Variants in DLG2 observed in about 807,000 individuals in gnomAD.
DLG2 encodes the protein disks large homolog 2.
In DLG2, 45 loss-of-function variants were observed where a neutral mutation model predicts 132.5. The observed-to-expected ratio is 0.34, with a 90% CI of 0.27 to 0.44. The LOEUF is 0.44. Ranked by LOEUF, DLG2 falls within the 20% of genes least tolerant of loss-of-function variation. The pLI, the probability that DLG2 is intolerant of heterozygous loss-of-function variation, is 1.00. For missense variants in DLG2, 1,045 were observed against 1,196.9 expected, an observed-to-expected ratio of 0.87 and a Z score of 1.87; for synonymous variants, 424 against 419.6, an observed-to-expected ratio of 1.01 and a Z score of -0.13.
chr11:84,767,753 G>C (rs1337630403), intron 6 of DLG2, among the ~76,000 whole-genome samples: 1 of 151,960 alleles, frequency 6.6e-6, no homozygotes, highest in Non-Finnish European at 1.5e-5. Context: ...GAGAAGCAGA[G>C]TATTATCTGC....
rs566563494 is a variant in DLG2 at position 85,304,571 on chromosome 11, T to A, written c.41-19206A>T. On this transcript the variant is annotated intron_variant, in intron 3 of 27. Coordinates refer to ENST00000376104, the MANE Select transcript of DLG2 (RefSeq NM_001142699.3). ...TGAAACTTTTTGAGTGCCAATATGA[T>A]GCTCAAACTAAGTACTCATTAGAGC... Among the ~76,000 whole-genome samples, 8 of 152,300 alleles carry A rather than the reference T, an allele frequency of 5.3e-5. No homozygotes were observed. The East Asian group carries it at 7.7e-4, about 15-fold the overall frequency.
chr11:84,407,755 A>C (rs2098864045), intron 7 of DLG2, among the ~76,000 whole-genome samples: 1 of 152,228 alleles, frequency 6.6e-6, no homozygotes, highest in Non-Finnish European at 1.5e-5. Context: ...GAAACTCAAA[A>C]GGTAAAGTGA....
At chr11:83,859,147 T>C (rs1391789943) in intron 16 of DLG2, among the ~76,000 whole-genome samples, 2 of 152,196 alleles carry the variant, frequency 1.3e-5, no homozygotes, top group South Asian at 2.1e-4. Context: ...ATAAGCTGCA[T>C]GAAAATGAAC....
At chr11:85,343,390 C>G (rs1421581744) in intron 3 of DLG2, among the ~76,000 whole-genome samples, 1 of 152,174 alleles carries the variant, frequency 6.6e-6, no homozygotes, top group Non-Finnish European at 1.5e-5. Context: ...CCTCCCTAAA[C>G]TAGATGGTGA....
At chr11:85,569,314 G>A (rs2077715268) in intron 3 of DLG2, among the ~76,000 whole-genome samples, 1 of 152,154 alleles carries the variant, frequency 6.6e-6, no homozygotes, top group Non-Finnish European at 1.5e-5. Flanking sequence ...TTACAGGCAT[G>A]AGCCACCACA....
At chr11:84,547,857 G>C (rs549528121) in intron 6 of DLG2, among the ~76,000 whole-genome samples, 2 of 152,124 alleles carry the variant, frequency 1.3e-5, no homozygotes, top group African/African-American at 4.8e-5. Context: ...ACTACCCCTG[G>C]TAGAGATGTA....
chr11:85,095,999 T>C (rs1385655841), intron 6 of DLG2, among the ~76,000 whole-genome samples: 1 of 152,132 alleles, frequency 6.6e-6, no homozygotes, highest in Non-Finnish European at 1.5e-5. Flanking sequence ...AATGCACCAA[T>C]CAGCACTCTG....
chr11:85,157,473 CT>C (rs1232882851), intron 4 of DLG2, among the ~76,000 whole-genome samples: 1 of 152,090 alleles, frequency 6.6e-6, no homozygotes, highest in Admixed American at 6.5e-5. Flanking sequence ...TTTGACATTC[CT>C]GATTCACCAT....
intron 4 of DLG2, among the ~76,000 whole-genome samples, chr11:85,216,821 G>A (rs527505328): frequency 6.6e-6 from 1 of 151,742 alleles, no homozygotes; most frequent in African/African-American, 2.4e-5. Flanking sequence ...TCAGCCTCCC[G>A]AATAGCTGGG....
At chr11:84,508,428 C>CA (rs1554981010) in intron 7 of DLG2, among the ~76,000 whole-genome samples, 2 of 140,334 alleles carry the variant, frequency 1.4e-5, no homozygotes, top group Non-Finnish European at 3.0e-5. Context: ...CTTTTTTAGA[C>CA]AGAGTCTCGC....
At chr11:85,336,149 G>A (rs1565341560) in intron 3 of DLG2, 1 of 152,620 alleles carries the variant, frequency 6.6e-6, no homozygotes, top group Non-Finnish European at 1.5e-5. Context: ...AACCAGCTTT[G>A]CTTCTGACTC....
intron 6 of DLG2, among the ~76,000 whole-genome samples, chr11:84,575,328 C>T (rs1042746021): frequency 6.6e-6 from 1 of 152,050 alleles, no homozygotes; most frequent in African/African-American, 2.4e-5. Flanking sequence ...ATGCCTCCCC[C>T]ACACCCCCCA....
intron 6 of DLG2, among the ~76,000 whole-genome samples, chr11:84,623,192 G>C (rs1049053746): frequency 2.0e-5 from 3 of 152,018 alleles, no homozygotes; most frequent in African/African-American, 7.3e-5. Flanking sequence ...ACTTCATCCT[G>C]AGTTTTCCTA....
intron 8 of DLG2, among the ~76,000 whole-genome samples, chr11:84,206,336 T>C (rs1055623489): frequency 5.3e-5 from 8 of 152,054 alleles, no homozygotes; most frequent in Non-Finnish European, 8.8e-5. Flanking sequence ...AATAACACCA[T>C]TCTTATACAA....
chr11:84,643,310 C>G (rs1391054179), intron 6 of DLG2, among the ~76,000 whole-genome samples: 1 of 152,040 alleles, frequency 6.6e-6, no homozygotes, highest in Non-Finnish European at 1.5e-5. Flanking sequence ...CTCTGTGGAC[C>G]AGAAACAAGT....
chr11:84,904,329 CTTTG>C (rs773100220), intron 6 of DLG2, among the ~76,000 whole-genome samples: 4 of 152,096 alleles, frequency 2.6e-5, no homozygotes, highest in Admixed American at 6.6e-5. Context: ...AATTATATCC[CTTTG>C]TTTGTGTAAT....
At chr11:84,398,997 C>T (rs372171571) in intron 7 of DLG2, among the ~76,000 whole-genome samples, 4 of 152,146 alleles carry the variant, frequency 2.6e-5, no homozygotes, top group East Asian at 3.8e-4. Context: ...TATATTTTCA[C>T]TTTTTAGTAT....
At chr11:84,701,025 G>A (rs573254786) in intron 6 of DLG2, among the ~76,000 whole-genome samples, 1 of 151,576 alleles carries the variant, frequency 6.6e-6, no homozygotes, top group African/African-American at 2.4e-5. Context: ...GAAAGCCATA[G>A]ACAAGACCAG....
chr11:83,956,717 T>G (rs1018654056), intron 14 of DLG2, among the ~76,000 whole-genome samples: 1 of 152,264 alleles, frequency 6.6e-6, no homozygotes, highest in African/African-American at 2.4e-5. Context: ...AGAATGGTTT[T>G]AAGTCATTAA....
Sources: allele counts gnomAD v4.1 joint callset (sites outside exome capture counted in the v4.1 genomes callset), GRCh38; gene constraint gnomAD v4.1.1; transcripts MANE v1.5; gene names NCBI Gene and HGNC (gene_info 2026-07-23, HGNC 2026-07-21).